PLA2G12A: variants seen among roughly 807,000 people sequenced by gnomAD.
The protein encoded by PLA2G12A is phospholipase A2 group XIIA.
Under a neutral mutation model 16.0 loss-of-function variants are expected in PLA2G12A, and 11 were observed. The ratio of observed to expected loss-of-function variants is 0.69; its 90% CI spans 0.43 to 1.13. The LOEUF (loss-of-function observed/expected upper bound fraction) is 1.13. PLA2G12A is among the 50% of genes most tolerant of loss of function. PLA2G12A has a pLI of 0.00. For missense variants in PLA2G12A, 214 were observed against 237.3 expected (o/e 0.90, Z 0.65); for synonymous variants, 77 against 93.8 (o/e 0.82, Z 1.03).
chr4:109,716,884 G>C (rs1043738375), intron 3 of PLA2G12A, among the ~76,000 whole-genome samples: 2 of 152,210 alleles, frequency 1.3e-5, no homozygotes. Flanking sequence ...GGTATGGTCT[G>C]AATGTTTGTG....
intron 1 of PLA2G12A, among the ~76,000 whole-genome samples, chr4:109,728,496 G>T (rs1258329414): frequency 6.6e-6 from 1 of 152,178 alleles, no homozygotes; most frequent in Non-Finnish European, 1.5e-5. Context: ...TCTTCATGAA[G>T]CATACGTTTA....
At chr4:109,717,942 C>T (rs756214298) in intron 2 of PLA2G12A, among the ~76,000 whole-genome samples, 3 of 152,148 alleles carry the variant, frequency 2.0e-5, no homozygotes, top group African/African-American at 4.8e-5. Flanking sequence ...TATTCTGCAG[C>T]GTTAGAACAC....
chr4:109,726,933 T>C (rs1445475417), intron 1 of PLA2G12A, among the ~76,000 whole-genome samples: 1 of 146,824 alleles, frequency 6.8e-6, no homozygotes, highest in Non-Finnish European at 1.5e-5. Flanking sequence ...AACTCACTCT[T>C]TTTTTTTTTT....
intron 1 of PLA2G12A, among the ~76,000 whole-genome samples, chr4:109,725,111 T>C (rs1397908809): frequency 6.6e-6 from 1 of 152,190 alleles, no homozygotes; most frequent in Non-Finnish European, 1.5e-5. Context: ...AAGGACTTAG[T>C]CTTGCTCACC....
rs1730784030 is a variant in PLA2G12A, at chr4:109,714,078, T to A, written c.*299A>T. 3.7e-6 allele frequency: 1 copy of A among 272,442 alleles called. No homozygotes were observed. The allele number at this position is 272,442 out of a possible 1,614,324, so 16.9% of individuals were successfully genotyped here. A position where few individuals can be genotyped will look rare whatever the true frequency, so the allele number is the denominator to read the frequency against. ...GTGGTTGTGAAAATTGAGTTATATA[T>A]TCCTCTTTTCAAAATTCTCCGCTAA... is the stretch of plus-strand genomic sequence containing the variant. On this transcript the variant is annotated 3_prime_UTR_variant, in exon 4 of 4. Transcript: ENST00000243501.
At position 109,711,808 on chromosome 4, in the gene PLA2G12A, C is replaced by G. The variant is rs935867410; in HGVS notation, c.*2569G>C. The G allele has an allele frequency of 3.9e-5, 6 of 152,170 alleles. No homozygotes were observed. The highest frequency in any genetic ancestry group is 7.3e-5 in the Non-Finnish European group (5 of 68,036). 9.4% of individuals were successfully genotyped at this position (152,170 alleles called of 1,614,324 possible). A position where few individuals can be genotyped will look rare whatever the true frequency, so the allele number is the denominator to read the frequency against. ...TTTTCAGCAGCAAAAAACCAACACACACTACCTTAACCAAGTGTCCAAAGT... is the reference window on the plus strand; with the variant it reads ...TTTTCAGCAGCAAAAAACCAACACAGACTACCTTAACCAAGTGTCCAAAGT... On this transcript the variant is annotated 3_prime_UTR_variant, in exon 4 of 4. Coordinates refer to ENST00000243501, the MANE Select transcript of PLA2G12A (RefSeq NM_030821.5).
In PLA2G12A at chr4:109,714,155, G is replaced by A; in HGVS notation, c.*222C>T. The A allele has an allele frequency of 1.9e-6, 1 of 520,834 alleles. No individual in the cohort carries two copies. The highest frequency in any genetic ancestry group is 3.1e-5 in the Admixed American group (1 of 31,764). 32.3% of individuals were successfully genotyped at this position (520,834 alleles called of 1,614,324 possible). A position where few individuals can be genotyped will look rare whatever the true frequency, so the allele number is the denominator to read the frequency against. On this transcript the variant is annotated 3_prime_UTR_variant, in exon 4 of 4. Coordinates refer to ENST00000243501, the MANE Select transcript of PLA2G12A (RefSeq NM_030821.5). ...AAGACATTTGGCATACTAAGTAAGG[G>A]AGCAATGCTGGGGAAGATACCTGAG... is the stretch of plus-strand genomic sequence containing the variant.
chr4:109,711,221 G>T lies in PLA2G12A; in HGVS notation c.*3156C>A, dbSNP rs917352341. On this transcript the variant is annotated 3_prime_UTR_variant, in exon 4 of 4. Transcript: ENST00000243501. ...CTTTGTACACACATAAATAATTATAGATGTGTACATATGCATGGATTAATA... is the reference window on the plus strand; with the variant it reads ...CTTTGTACACACATAAATAATTATATATGTGTACATATGCATGGATTAATA... 1 of 152,062 alleles carries T rather than the reference G, an allele frequency of 6.6e-6. No homozygotes were observed. The highest frequency in any genetic ancestry group is 2.4e-5 in the African/African-American group (1 of 41,418). 9.4% of individuals were successfully genotyped at this position (152,062 alleles called of 1,614,324 possible).
At chr4:109,720,591 AAAAAAAAAAAAAAATATATATAT>A (rs1730910507) in intron 1 of PLA2G12A, among the ~76,000 whole-genome samples, 5 of 33,806 alleles carry the variant, frequency 1.5e-4, no homozygotes, top group Admixed American at 5.7e-4. Context: ...AAAAAAAAAA[AAAAAAAAAAAAAAATATATATAT>A]ATATATATAT....
chr4:109,717,489 G>C (rs1341130682), intron 3 of PLA2G12A, 59 bp downstream of exon 3: 7 of 1,499,270 alleles, frequency 4.7e-6, no homozygotes, highest in African/African-American at 1.4e-5. Flanking sequence ...CTAAAACATA[G>C]AGCATTTGAT....
At chr4:109,725,679 A>G (rs1722921375) in intron 1 of PLA2G12A, among the ~76,000 whole-genome samples, 1 of 152,240 alleles carries the variant, frequency 6.6e-6, no homozygotes, top group Non-Finnish European at 1.5e-5. Flanking sequence ...TGGACTGCAG[A>G]AATCTAAAGA....
chr4:109,723,993 C>G (rs1323685354), intron 1 of PLA2G12A, among the ~76,000 whole-genome samples: 1 of 152,142 alleles, frequency 6.6e-6, no homozygotes, highest in African/African-American at 2.4e-5. Flanking sequence ...TGTACATTCT[C>G]CCTCCCTCCC....
chr4:109,723,247 G>GAC (rs1321937411), intron 1 of PLA2G12A, among the ~76,000 whole-genome samples: 1 of 151,864 alleles, frequency 6.6e-6, no homozygotes, highest in East Asian at 1.9e-4. Context: ...TTCTAAAATG[G>GAC]ACTTTTTAAT....
At chr4:109,718,828 T>A in intron 1 of PLA2G12A, 69 bp from the exon 2 acceptor site, 1 of 1,006,850 alleles carries the variant, frequency 9.9e-7, no homozygotes. Context: ...CTCAAAAAGG[T>A]CAATATGCTA....
intron 3 of PLA2G12A, among the ~76,000 whole-genome samples, chr4:109,716,746 G>A (rs373197046): frequency 2.6e-5 from 4 of 152,126 alleles, no homozygotes; most frequent in South Asian, 2.1e-4. Flanking sequence ...GCTGAGTCCC[G>A]TGAGTCCTCC....
At chr4:109,719,268 AG>A (rs1730877876) in intron 1 of PLA2G12A, among the ~76,000 whole-genome samples, 1 of 152,214 alleles carries the variant, frequency 6.6e-6, no homozygotes, top group Non-Finnish European at 1.5e-5. Flanking sequence ...AAGGAAGACA[AG>A]GTCATCTGAT....
In PLA2G12A at chr4:109,727,719, T is replaced by C. The variant is rs537535906; in HGVS notation, c.208+1883A>G. ...GGGAAGCTGAGGCAGGAGAATTGCT[T>C]GAGCCCAGGAGTTGGAGGCTGCAGG... On this transcript the variant is annotated intron_variant, in intron 1 of 3. Transcript: ENST00000243501. Among the ~76,000 whole-genome samples, 3 of 152,228 alleles carry C rather than the reference T, an allele frequency of 2.0e-5. No individual in the cohort carries two copies. The South Asian group carries it at 6.2e-4, about 32-fold the overall frequency.
At position 109,711,190 on chromosome 4, in the gene PLA2G12A, G is replaced by T. The variant is rs1161666519; in HGVS notation, c.*3187C>A. On this transcript the variant is annotated 3_prime_UTR_variant, in exon 4 of 4. Transcript: ENST00000243501. ...GTTGAAGACGGCAGTACAAACTCAT[G>T]TTTAGCTTTGTACACACATAAATAA... The T allele has an allele frequency of 6.6e-6, 1 of 150,576 alleles. No homozygotes were observed. Among genetic ancestry groups the T allele is most frequent in the African/African-American group, 2.4e-5 (1 of 40,878 alleles). 9.3% of individuals were successfully genotyped at this position (150,576 alleles called of 1,614,324 possible).
chr4:109,727,509 A>C (rs79545973), intron 1 of PLA2G12A, among the ~76,000 whole-genome samples: 4,401 of 152,250 alleles, frequency 0.029, 207 homozygotes, highest in African/African-American at 0.1. Context: ...TAAGACAAAA[A>C]ATTTTTTTTC....
Sources: gnomAD v4.1 joint callset for allele counts (sites outside exome capture counted in the v4.1 genomes callset) on GRCh38, gnomAD v4.1.1 for gene constraint, MANE v1.5 for transcripts, NCBI Gene and HGNC (gene_info 2026-07-23, HGNC 2026-07-21) for gene names.